NEURL1: variants seen among roughly 807,000 people sequenced by gnomAD.
NEURL1 encodes the protein E3 ubiquitin-protein ligase NEURL1.
In NEURL1, 26 loss-of-function variants were observed where a neutral mutation model predicts 41.2. The ratio of observed to expected loss-of-function variants is 0.63; its 90% CI spans 0.46 to 0.87. The LOEUF (loss-of-function observed/expected upper bound fraction) is 0.87, where lower values mean the gene tolerates loss of function less well. NEURL1 is among the 40% of genes least tolerant of loss of function. NEURL1 has a pLI of 0.00. For synonymous variants in NEURL1, 400 were observed against 402.3 expected (o/e 0.99, Z 0.07); for missense variants, 761 against 871.1 (o/e 0.87, Z 1.59).
In NEURL1 at chr10:103,522,347, C is replaced by T. The variant is rs139939623; in HGVS notation, c.85+27875C>T. On this transcript the variant is annotated intron_variant, in intron 1 of 5. Transcript: ENST00000369780. ...CTCTTGCCAGGGATGGTGGCTCACGCCTGTAATCCCAGAACCTTGGGAAGC... is the reference window on the plus strand; with the variant it reads ...CTCTTGCCAGGGATGGTGGCTCACGTCTGTAATCCCAGAACCTTGGGAAGC... Among the ~76,000 whole-genome samples the T allele has an allele frequency of 9.2e-3, 1,400 of 151,934 alleles. 19 individuals carry two copies. Among genetic ancestry groups the T allele is most frequent in the African/African-American group, 0.031 (1,273 of 41,430 alleles).
chr10:103,510,379 C>T (rs776951098), intron 1 of NEURL1, among the ~76,000 whole-genome samples: 2 of 152,228 alleles, frequency 1.3e-5, no homozygotes, highest in Non-Finnish European at 2.9e-5. Flanking sequence ...GCCCTGGGCA[C>T]TGCCAGCTTG....
intron 1 of NEURL1, among the ~76,000 whole-genome samples, chr10:103,567,829 C>G (rs777689000): frequency 3.9e-5 from 6 of 152,180 alleles, no homozygotes; most frequent in Non-Finnish European, 8.8e-5. Context: ...TATTTGTCAC[C>G]TGTAAATTGG....
intron 1 of NEURL1, among the ~76,000 whole-genome samples, chr10:103,518,667 GGTGAGGGA>G (rs377371986): frequency 4.1e-4 from 62 of 152,332 alleles, no homozygotes; most frequent in African/African-American, 1.5e-3. Context: ...ATTTGCAGGA[GGTGAGGGA>G]GTGAGCAGTG....
chr10:103,511,441 G>A (rs1304874568), intron 1 of NEURL1, among the ~76,000 whole-genome samples: 1 of 152,192 alleles, frequency 6.6e-6, no homozygotes, highest in Non-Finnish European at 1.5e-5. Context: ...GGGGACCTGG[G>A]GTGCAAGGAG....
In NEURL1 at chr10:103,494,072, C is replaced by G. The variant is rs1245955068; in HGVS notation, c.-316C>G. On this transcript the variant is annotated 5_prime_UTR_variant, in exon 1 of 6. Transcript: ENST00000369780. The stretch of plus-strand genomic sequence containing the variant: ...ACCCCCAGCCGGAACCCTAGCGTCC[C>G]GGGGAGCAAGCGGGGAGCCCCGGGC... The G allele has an allele frequency of 4.0e-6, 1 of 252,066 alleles. No individual in the cohort carries two copies. The highest frequency in any genetic ancestry group is 7.5e-6 in the Non-Finnish European group (1 of 133,380). 15.6% of individuals were successfully genotyped at this position (252,066 alleles called of 1,614,324 possible).
chr10:103,535,895 C>T (rs1187890613), intron 1 of NEURL1, among the ~76,000 whole-genome samples: 1 of 152,164 alleles, frequency 6.6e-6, no homozygotes, highest in Non-Finnish European at 1.5e-5. Context: ...TGCGCTCCAG[C>T]TGTTGTTCCA....
chr10:103,589,812 C>T lies in NEURL1; in HGVS notation c.1486+152C>T, dbSNP rs893125609. On this transcript the variant is annotated intron_variant, in intron 5 of 5. Transcript: ENST00000369780. ...GATTTCTGGGGTCATCCCCTCCTGT[C>T]CCCTAGCTGGGCAGTGCCAAAGGGT... The T allele has an allele frequency of 2.1e-4, 237 of 1,112,420 alleles. 2 individuals are homozygous for T. The highest frequency in any genetic ancestry group is 5.9e-4 in the Middle Eastern group (2 of 3,372). The allele number at this position is 1,112,420 out of a possible 1,614,324, so 68.9% of individuals were successfully genotyped here. A position where few individuals can be genotyped will look rare whatever the true frequency, so the allele number is the denominator to read the frequency against.
At chr10:103,530,935 G>C (rs1180014698) in intron 1 of NEURL1, among the ~76,000 whole-genome samples, 1 of 151,988 alleles carries the variant, frequency 6.6e-6, no homozygotes, top group African/African-American at 2.4e-5. Flanking sequence ...AAAATAATAT[G>C]TATTTGCCTG....
At chr10:103,586,196 G>A (rs1328981840) in intron 4 of NEURL1, among the ~76,000 whole-genome samples, 1 of 152,132 alleles carries the variant, frequency 6.6e-6, no homozygotes. Flanking sequence ...TTAAGGAGAC[G>A]GTGATGGTGG....
At position 103,558,712 on chromosome 10, in the gene NEURL1, A is replaced by G. The variant is rs2035216172; in HGVS notation, c.86-12160A>G. Among the ~76,000 whole-genome samples the G allele has an allele frequency of 6.6e-6, 1 of 152,150 alleles. No individual in the cohort carries two copies. Among genetic ancestry groups the G allele is most frequent in the Non-Finnish European group, 1.5e-5 (1 of 68,004 alleles). On this transcript the variant is annotated intron_variant, in intron 1 of 5. Coordinates refer to ENST00000369780, the MANE Select transcript of NEURL1 (RefSeq NM_004210.5). This position sits in a 1 kb window ranked among gnomAD's most constrained non-coding sequence, Gnocchi z 4.2. ...CTCCTGGTCTTGAGAGCAGGCTGAC[A>G]GGGGCGGGAAGGGTAGTGCGAAGAG...
At chr10:103,510,107 G>C (rs1019278486) in intron 1 of NEURL1, among the ~76,000 whole-genome samples, 1 of 152,168 alleles carries the variant, frequency 6.6e-6, no homozygotes, top group Non-Finnish European at 1.5e-5. Context: ...AGCAGATGAA[G>C]GGGCCGGTAG....
intron 1 of NEURL1, among the ~76,000 whole-genome samples, chr10:103,530,248 T>G (rs941894532): frequency 6.6e-6 from 1 of 152,160 alleles, no homozygotes; most frequent in African/African-American, 2.4e-5. Flanking sequence ...TGTGTTTTGT[T>G]TGTTCTTTCT....
At position 103,533,682 on chromosome 10, in the gene NEURL1, G is replaced by T. The variant is rs549560451; in HGVS notation, c.86-37190G>T. Among the ~76,000 whole-genome samples, 4 of 152,164 alleles carry T rather than the reference G, an allele frequency of 2.6e-5. No homozygotes were observed. In the East Asian group the frequency reaches 7.7e-4, roughly 29 times the overall value. On this transcript the variant is annotated intron_variant, in intron 1 of 5. Transcript: ENST00000369780. ...CTCCTGAGTAGCTGGGACTACAGGCGCCCGCCATCACACCCGGCTAATTTT... is the reference window on the plus strand; with the variant it reads ...CTCCTGAGTAGCTGGGACTACAGGCTCCCGCCATCACACCCGGCTAATTTT...
At chr10:103,504,842 AACTTG>A (rs775806295) in intron 1 of NEURL1, among the ~76,000 whole-genome samples, 29 of 151,940 alleles carry the variant, frequency 1.9e-4, no homozygotes, top group Non-Finnish European at 3.4e-4. Flanking sequence ...ATAAGGGGGG[AACTTG>A]ACTTGGTCTT....
chr10:103,553,330 G>T (rs970557218), intron 1 of NEURL1, among the ~76,000 whole-genome samples: 1 of 152,178 alleles, frequency 6.6e-6, no homozygotes, highest in African/African-American at 2.4e-5. Flanking sequence ...AAGGAGTTTG[G>T]CTTACTTTCT....
chr10:103,584,873 C>A lies in NEURL1; in HGVS notation c.987C>A (p.Ser329Arg). The stretch of plus-strand genomic sequence containing the variant: ...ACGAGCGCGCGCTCGTCTTCACCAG[C>A]CGGCCCGTGCGCGTGGCCGAGACCA... ...GRDERALVFT[S>R]RPVRVAETIF... Residue 329 changes from serine (S) to arginine (R), a missense_variant, in exon 4 of 6, where the codon AGC (serine) becomes AGA (arginine). Around this residue, in one of 5 missense-constraint regions of NEURL1, gnomAD observed 443 missense variants for 408.1 expected, o/e 1.09. Coordinates refer to ENST00000369780, the MANE Select transcript of NEURL1 (RefSeq NM_004210.5). 1 of 1,426,176 alleles carries A rather than the reference C, an allele frequency of 7.0e-7. No homozygotes were observed. The highest frequency in any genetic ancestry group is 9.1e-7 in the Non-Finnish European group (1 of 1,099,674). 88.3% of individuals were successfully genotyped at this position (1,426,176 alleles called of 1,614,324 possible).
At chr10:103,565,104 G>A (rs914153703) in intron 1 of NEURL1, among the ~76,000 whole-genome samples, 3 of 152,186 alleles carry the variant, frequency 2.0e-5, no homozygotes, top group African/African-American at 7.2e-5. Context: ...ACCCAGGGGT[G>A]CTTATTCCTG....
rs775768522 is a variant in NEURL1, at chr10:103,590,314, G to A, written c.1667G>A (p.Cys556Tyr). 5.6e-6 allele frequency: 9 copies of A among 1,614,130 alleles called. No individual in the cohort carries two copies. The highest frequency in any genetic ancestry group is 7.6e-6 in the Non-Finnish European group (9 of 1,180,026). ...GLRLKKALHA[C>Y]CPICRRPIKD... ...CGCCTCAAGAAGGCTCTGCACGCCTGCTGCCCCATCTGCCGCCGCCCCATC... is the reference window on the plus strand; with the variant it reads ...CGCCTCAAGAAGGCTCTGCACGCCTACTGCCCCATCTGCCGCCGCCCCATC... Residue 556 changes from cysteine (C) to tyrosine (Y), a missense_variant, in exon 6 of 6, where the codon TGC becomes TAC. Coordinates refer to ENST00000369780, the MANE Select transcript of NEURL1 (RefSeq NM_004210.5).
chr10:103,578,385 A>G (rs1376803940), intron 3 of NEURL1, among the ~76,000 whole-genome samples: 1 of 152,186 alleles, frequency 6.6e-6, no homozygotes, highest in African/African-American at 2.4e-5. Flanking sequence ...TGAAAGGAAA[A>G]CCATGCAATC....
Sources: gnomAD v4.1 joint callset for allele counts (sites outside exome capture counted in the v4.1 genomes callset) on GRCh38, gnomAD v4.1.1 for gene constraint, gnomAD v4.1.1 regional missense constraint, Gnocchi (gnomAD v3.1) non-coding constraint, MANE v1.5 for transcripts, NCBI Gene and HGNC (gene_info 2026-07-23, HGNC 2026-07-21) for gene names.